TMEM132D: variants seen among roughly 807,000 people sequenced by gnomAD.
TMEM132D encodes the protein mature OL transmembrane protein.
Under a neutral mutation model 62.3 loss-of-function variants are expected in TMEM132D, and 21 were observed. The ratio of observed to expected loss-of-function variants is 0.34; its 90% CI spans 0.24 to 0.49. TMEM132D has a LOEUF of 0.49. Among genes scored for constraint, TMEM132D ranks in the 20% least tolerant of loss-of-function variants. The pLI is 0.99. For missense variants in TMEM132D, 1,346 were observed against 1,402.8 expected (o/e 0.96, Z 0.65); for synonymous variants, 621 against 575.6 (o/e 1.08, Z -1.13).
At chr12:129,770,267 C>G (rs1036092003) in intron 1 of TMEM132D, among the ~76,000 whole-genome samples, 13 of 151,408 alleles carry the variant, frequency 8.6e-5, no homozygotes, top group African/African-American at 2.9e-4. Context: ...CCTCAGCCTC[C>G]CGAGTAGCTG....
At chr12:129,115,775 T>A (rs563678974) in intron 5 of TMEM132D, among the ~76,000 whole-genome samples, 2 of 152,234 alleles carry the variant, frequency 1.3e-5, no homozygotes, top group African/African-American at 4.8e-5. Context: ...CAGAGGTGAC[T>A]CATGGATCTC....
At chr12:129,485,577 G>A (rs896287748) in intron 3 of TMEM132D, among the ~76,000 whole-genome samples, 4 of 152,192 alleles carry the variant, frequency 2.6e-5, no homozygotes, top group Admixed American at 2.6e-4. Context: ...ACCTGAGGAT[G>A]AGGCAGGCTG....
chr12:129,761,563 A>G (rs1406854457), intron 1 of TMEM132D, among the ~76,000 whole-genome samples: 1 of 152,184 alleles, frequency 6.6e-6, no homozygotes, highest in Non-Finnish European at 1.5e-5. Context: ...GCAACTTCGC[A>G]GACAACGCTT....
At chr12:129,740,789 T>TA (rs1449703723) in intron 1 of TMEM132D, among the ~76,000 whole-genome samples, 2 of 152,116 alleles carry the variant, frequency 1.3e-5, no homozygotes, top group African/African-American at 4.8e-5. Flanking sequence ...ATTAGTAGGG[T>TA]AATTCTATGA....
At chr12:129,530,262 G>A (rs1005009998) in intron 3 of TMEM132D, among the ~76,000 whole-genome samples, 2 of 152,144 alleles carry the variant, frequency 1.3e-5, no homozygotes, top group Admixed American at 1.3e-4. Flanking sequence ...ACTGAGCTAG[G>A]AAGTTTAAAA....
chr12:129,415,472 CA>C (rs1872089804), intron 3 of TMEM132D, among the ~76,000 whole-genome samples: 1 of 152,158 alleles, frequency 6.6e-6, no homozygotes, highest in South Asian at 2.1e-4. Context: ...TTGAAAAATA[CA>C]TAAGAAACAC....
At chr12:129,594,797 T>C (rs1330747391) in intron 2 of TMEM132D, among the ~76,000 whole-genome samples, 2 of 152,182 alleles carry the variant, frequency 1.3e-5, no homozygotes, top group Non-Finnish European at 2.9e-5. Flanking sequence ...CCCTCTCTAA[T>C]GTGGCCTCTG....
intron 3 of TMEM132D, among the ~76,000 whole-genome samples, chr12:129,379,988 TG>T (rs1188431256): frequency 6.6e-6 from 1 of 152,156 alleles, no homozygotes; most frequent in Admixed American, 6.5e-5. Context: ...TTTATAAGAG[TG>T]ACATACGTTT....
chr12:129,504,855 T>C (rs994690674), intron 3 of TMEM132D, among the ~76,000 whole-genome samples: 11 of 152,220 alleles, frequency 7.2e-5, no homozygotes, highest in South Asian at 2.1e-4. Context: ...TTTAGGGCTA[T>C]GAACTTTCCC....
intron 3 of TMEM132D, among the ~76,000 whole-genome samples, chr12:129,449,036 C>T (rs568520789): frequency 1.3e-5 from 2 of 152,296 alleles, no homozygotes; most frequent in African/African-American, 4.8e-5. Flanking sequence ...GAAGACTTTG[C>T]AGCTCTGCCT....
intron 2 of TMEM132D, among the ~76,000 whole-genome samples, chr12:129,681,170 C>T (rs1485244101): frequency 6.6e-6 from 1 of 152,214 alleles, no homozygotes; most frequent in Non-Finnish European, 1.5e-5. Flanking sequence ...CTACTCTCAT[C>T]TGTCTTCTTG....
chr12:129,116,605 T>C lies in TMEM132D; in HGVS notation c.1444-31903A>G, dbSNP rs78771242. On this transcript the variant is annotated intron_variant, in intron 5 of 8. Transcript: ENST00000422113. ...TTTGAACAGACATCTTACCAAAGAA[T>C]ATATACAGATGGCAAATAAGCATAT... Among the ~76,000 whole-genome samples, 782 of 152,232 alleles carry C rather than the reference T, an allele frequency of 5.1e-3. 27 individuals carry two copies. Among genetic ancestry groups the C allele is most frequent in the East Asian group, 0.034 (178 of 5,172 alleles).
intron 3 of TMEM132D, among the ~76,000 whole-genome samples, chr12:129,463,822 G>A (rs1873775589): frequency 6.6e-6 from 1 of 151,910 alleles, no homozygotes; most frequent in South Asian, 2.1e-4. Flanking sequence ...TTTTATGGCT[G>A]CATAGTATTC....
At chr12:129,384,214 C>A (rs895396724) in intron 3 of TMEM132D, among the ~76,000 whole-genome samples, 2 of 152,184 alleles carry the variant, frequency 1.3e-5, no homozygotes, top group Admixed American at 1.3e-4. Flanking sequence ...AAGTCAACTA[C>A]TGAACATTTA....
intron 3 of TMEM132D, among the ~76,000 whole-genome samples, chr12:129,450,398 C>T (rs535096745): frequency 2.1e-4 from 32 of 152,074 alleles, no homozygotes; most frequent in Admixed American, 1.3e-3. Flanking sequence ...TATAACAAAC[C>T]CCCATGTCGT....
intron 1 of TMEM132D, among the ~76,000 whole-genome samples, chr12:129,895,090 C>A (rs974710065): frequency 6.6e-6 from 1 of 152,104 alleles, no homozygotes; most frequent in African/African-American, 2.4e-5. Flanking sequence ...GGGACAGAGT[C>A]CTGGGGTCTC....
chr12:129,362,995 G>C (rs922455479), intron 3 of TMEM132D, among the ~76,000 whole-genome samples: 3 of 152,154 alleles, frequency 2.0e-5, no homozygotes, highest in African/African-American at 7.2e-5. Context: ...TTTTTAATTA[G>C]AAGTTTTTCA....
intron 2 of TMEM132D, among the ~76,000 whole-genome samples, chr12:129,593,188 A>G (rs1036644986): frequency 6.6e-6 from 1 of 152,214 alleles, no homozygotes; most frequent in Admixed American, 6.5e-5. Context: ...AAATGGTTGG[A>G]AAGTCCTTCT....
intron 4 of TMEM132D, among the ~76,000 whole-genome samples, chr12:129,232,541 G>A (rs1879670373): frequency 6.6e-6 from 1 of 152,106 alleles, no homozygotes; most frequent in Non-Finnish European, 1.5e-5. Context: ...GAGACAGGAT[G>A]CCAGTGCAGA....
Sources: gnomAD v4.1 joint callset for allele counts (sites outside exome capture counted in the v4.1 genomes callset) on GRCh38, gnomAD v4.1.1 for gene constraint, MANE v1.5 for transcripts, NCBI Gene and HGNC (gene_info 2026-07-23, HGNC 2026-07-21) for gene names.